The following SYT1 variants were observed in gnomAD, a reference collection of about 807,000 sequenced individuals.
SYT1 encodes the protein synaptotagmin 1, also known as synaptotagmin-1.
A neutral mutation model predicts 44.8 loss-of-function variants in SYT1; 8 were observed. The ratio of observed to expected loss-of-function variants is 0.18; its 90% confidence interval spans 0.10 to 0.32. The LOEUF (loss-of-function observed/expected upper bound fraction) is 0.32. Among genes scored for constraint, SYT1 ranks in the 10% least tolerant of loss-of-function variants. The pLI is 1.00. For synonymous variants in SYT1, 154 were observed against 188.8 expected (o/e 0.82, Z 1.51); for missense variants, 286 against 509.3 (o/e 0.56, Z 4.22).
intron 9 of SYT1, among the ~76,000 whole-genome samples, chr12:79,374,959 A>C (rs1883932870): frequency 6.6e-6 from 1 of 152,228 alleles, no homozygotes; most frequent in African/African-American, 2.4e-5. Flanking sequence ...GGTCTCTCGC[A>C]ACTAAATATT....
chr12:79,339,355 C>T (rs867764928), intron 8 of SYT1, among the ~76,000 whole-genome samples: 7 of 152,142 alleles, frequency 4.6e-5, no homozygotes, highest in African/African-American at 7.2e-5. Context: ...TTTTAATGAT[C>T]GCCATTCTAA....
At chr12:79,189,016 A>G (rs1872959941) in intron 3 of SYT1, among the ~76,000 whole-genome samples, 1 of 151,990 alleles carries the variant, frequency 6.6e-6, no homozygotes, top group South Asian at 2.1e-4. Flanking sequence ...TCAGGCTTCT[A>G]ACTTCTATGA....
chr12:79,209,068 C>T (rs1874291305), intron 3 of SYT1, among the ~76,000 whole-genome samples: 1 of 152,128 alleles, frequency 6.6e-6, no homozygotes, highest in South Asian at 2.1e-4. Flanking sequence ...GAAAAACAAC[C>T]TTTCTTCAGT....
intron 4 of SYT1, among the ~76,000 whole-genome samples, chr12:79,229,879 G>A (rs1875761857): frequency 6.6e-6 from 1 of 152,088 alleles, no homozygotes; most frequent in South Asian, 2.1e-4. Context: ...ACAGGCGTGA[G>A]CCACCACGCC....
chr12:79,400,024 A>G (rs1306317193), intron 9 of SYT1, among the ~76,000 whole-genome samples: 1 of 152,216 alleles, frequency 6.6e-6, no homozygotes, highest in East Asian at 1.9e-4. Context: ...GTTAATGCAA[A>G]GAGCTTATCT....
chr12:78,964,792 G>GA lies in SYT1; in HGVS notation c.-216-13001dup, dbSNP rs529079941. Among the ~76,000 whole-genome samples, 10 of 151,932 alleles carry GA rather than the reference G, an allele frequency of 6.6e-5. No homozygotes were observed. In the East Asian group the frequency reaches 9.6e-4, roughly 15 times the overall value. On this transcript the variant is annotated intron_variant, in intron 1 of 10. Coordinates refer to ENST00000261205, the MANE Select transcript of SYT1 (RefSeq NM_005639.3). ...TGAGACAAAAATAATTCTTTTGAAA[G>GA]AAAAAACATTTGAGCCTCAAATGCT...
intron 9 of SYT1, among the ~76,000 whole-genome samples, chr12:79,398,173 G>A (rs1266600439): frequency 6.6e-6 from 1 of 152,120 alleles, no homozygotes; most frequent in Non-Finnish European, 1.5e-5. Flanking sequence ...ATAAGGGTAG[G>A]AGGGCTCTTG....
intron 1 of SYT1, among the ~76,000 whole-genome samples, chr12:78,936,816 T>C (rs1321425004): frequency 6.6e-6 from 1 of 152,116 alleles, no homozygotes; most frequent in East Asian, 1.9e-4. Flanking sequence ...TGTTAAGCCA[T>C]AGGTGTTTGT....
chr12:79,082,678 C>G (rs771842200), intron 3 of SYT1, among the ~76,000 whole-genome samples: 1 of 152,096 alleles, frequency 6.6e-6, no homozygotes, highest in Non-Finnish European at 1.5e-5. Context: ...GTATCTGAGC[C>G]AATCAGCTGC....
chr12:79,226,608 A>T (rs1161859986), intron 4 of SYT1, among the ~76,000 whole-genome samples: 5 of 152,180 alleles, frequency 3.3e-5, no homozygotes, highest in African/African-American at 1.2e-4. Context: ...GGAAGAAAAA[A>T]GTAAGGTAAC....
intron 3 of SYT1, among the ~76,000 whole-genome samples, chr12:79,174,669 G>T (rs971448482): frequency 1.3e-5 from 2 of 151,946 alleles, no homozygotes; most frequent in Non-Finnish European, 1.5e-5. Context: ...TGAGAGAGAA[G>T]CTCCAGGAAA....
At chr12:78,948,787 G>C (rs1878803756) in intron 1 of SYT1, among the ~76,000 whole-genome samples, 1 of 151,674 alleles carries the variant, frequency 6.6e-6, no homozygotes, top group African/African-American at 2.4e-5. Context: ...CCTGTGCACT[G>C]TGCCAAAAGT....
intron 9 of SYT1, among the ~76,000 whole-genome samples, chr12:79,394,368 A>G (rs1452290345): frequency 6.6e-6 from 1 of 152,248 alleles, no homozygotes; most frequent in African/African-American, 2.4e-5. Context: ...GTAAAAATGC[A>G]GCTACAAAAA....
At chr12:79,221,692 T>C (rs949339673) in intron 4 of SYT1, among the ~76,000 whole-genome samples, 2 of 152,198 alleles carry the variant, frequency 1.3e-5, no homozygotes, top group African/African-American at 4.8e-5. Flanking sequence ...ATTTTACTCC[T>C]CTACTGTCCA....
At chr12:78,890,309 C>G (rs1874979722) in intron 1 of SYT1, among the ~76,000 whole-genome samples, 1 of 151,790 alleles carries the variant, frequency 6.6e-6, no homozygotes, top group Non-Finnish European at 1.5e-5. Flanking sequence ...AGGGAAAGAA[C>G]CTTAGATCCA....
chr12:79,304,688 C>A (rs1226158533), intron 8 of SYT1, among the ~76,000 whole-genome samples: 2 of 151,886 alleles, frequency 1.3e-5, no homozygotes, highest in African/African-American at 4.8e-5. Context: ...GAAATTGATC[C>A]AGAGGAAAAT....
chr12:79,340,956 A>G (rs1882344219), intron 8 of SYT1, among the ~76,000 whole-genome samples: 1 of 152,176 alleles, frequency 6.6e-6, no homozygotes, highest in Admixed American at 6.5e-5. Flanking sequence ...CCTTCCTAAT[A>G]CATGTTTCTA....
chr12:79,141,125 G>A (rs2138215002), intron 3 of SYT1, among the ~76,000 whole-genome samples: 1 of 152,284 alleles, frequency 6.6e-6, no homozygotes, highest in Non-Finnish European at 1.5e-5. Context: ...TCAAAGTTCA[G>A]TATTGTTTTT....
chr12:78,892,547 G>C (rs1352223728), intron 1 of SYT1, among the ~76,000 whole-genome samples: 1 of 151,582 alleles, frequency 6.6e-6, no homozygotes, highest in Non-Finnish European at 1.5e-5. Flanking sequence ...TTTTAAAATA[G>C]GAGCCGCCCC....
Sources: gnomAD v4.1 joint callset for allele counts (sites outside exome capture counted in the v4.1 genomes callset) on GRCh38, gnomAD v4.1.1 for gene constraint, MANE v1.5 for transcripts, NCBI Gene and HGNC (gene_info 2026-07-23, HGNC 2026-07-21) for gene names.